The following MEF2C variants were observed in gnomAD, a reference collection of about 807,000 sequenced individuals.
MEF2C encodes myocyte-specific enhancer factor 2C.
A neutral mutation model predicts 50.5 loss-of-function variants in MEF2C; 6 were observed. The observed-to-expected ratio is 0.12, with a 90% CI of 0.07 to 0.23. The LOEUF is 0.23. Among genes scored for constraint, MEF2C ranks in the 10% least tolerant of loss-of-function variants. The probability of loss-of-function intolerance (pLI) is 1.00; values close to 1 mark genes in which losing one functional copy is unlikely to be tolerated. For missense variants in MEF2C, 276 were observed against 605.0 expected (o/e 0.46, Z 5.70); for synonymous variants, 183 against 228.0 (o/e 0.80, Z 1.78).
chr5:88,846,748 T>G (rs1819503691), intron 1 of MEF2C, among the ~76,000 whole-genome samples: 1 of 152,206 alleles, frequency 6.6e-6, no homozygotes, highest in African/African-American at 2.4e-5. Flanking sequence ...AAATGTACAC[T>G]GACAAACTGA....
chr5:88,818,951 G>A (rs1396882753), intron 2 of MEF2C, among the ~76,000 whole-genome samples: 4 of 151,946 alleles, frequency 2.6e-5, no homozygotes, highest in African/African-American at 9.7e-5. Flanking sequence ...TAAATTTATT[G>A]AGCACTTATT....
chr5:88,880,569 G>T (rs1374886294), intron 1 of MEF2C, among the ~76,000 whole-genome samples: 1 of 152,134 alleles, frequency 6.6e-6, no homozygotes, highest in Non-Finnish European at 1.5e-5. Context: ...GTTATTCAGT[G>T]CTGTTCTTTA....
At chr5:88,813,201 T>C (rs1323138135) in intron 2 of MEF2C, among the ~76,000 whole-genome samples, 2 of 151,946 alleles carry the variant, frequency 1.3e-5, no homozygotes, top group African/African-American at 4.8e-5. Flanking sequence ...CACAAACTAG[T>C]TCTATATTTA....
At chr5:88,897,245 T>C (rs1835205854) in intron 1 of MEF2C, among the ~76,000 whole-genome samples, 1 of 152,214 alleles carries the variant, frequency 6.6e-6, no homozygotes, top group Admixed American at 6.5e-5. Flanking sequence ...CTTGTGTTGG[T>C]TATATAGTAT....
In MEF2C at chr5:88,744,184, T is replaced by A. The variant is rs574804708; in HGVS notation, c.637+4886A>T. 17 of 935,936 alleles carry A rather than the reference T, an allele frequency of 1.8e-5. No individual in the cohort carries two copies. The South Asian group carries it at 7.7e-4, about 43-fold the overall frequency. 58.0% of individuals were successfully genotyped at this position (935,936 alleles called of 1,614,324 possible). A position where few individuals can be genotyped will look rare whatever the true frequency, so the allele number is the denominator to read the frequency against. On this transcript the variant is annotated intron_variant, in intron 6 of 10. Coordinates refer to ENST00000504921, the MANE Select transcript of MEF2C (RefSeq NM_002397.5). ...AGGCATTGCTCTGCTAATGGTTATTTCCATTAAATCTAATGACTACAAACA... is the reference window on the plus strand; with the variant it reads ...AGGCATTGCTCTGCTAATGGTTATTACCATTAAATCTAATGACTACAAACA...
intron 1 of MEF2C, among the ~76,000 whole-genome samples, chr5:88,834,833 C>T (rs78987501): frequency 0.038 from 5,822 of 152,248 alleles, 122 homozygotes; most frequent in Non-Finnish European, 0.041. Context: ...TAACAACATA[C>T]ACATTCTATT....
At chr5:88,782,440 TG>T (rs1364788819) in intron 3 of MEF2C, among the ~76,000 whole-genome samples, 3 of 148,522 alleles carry the variant, frequency 2.0e-5, no homozygotes, top group African/African-American at 7.5e-5. Flanking sequence ...CATTGAAGCC[TG>T]GGCAATGGGC....
At chr5:88,755,586 G>A (rs542005344) in intron 4 of MEF2C, among the ~76,000 whole-genome samples, 1 of 152,242 alleles carries the variant, frequency 6.6e-6, no homozygotes, top group South Asian at 2.1e-4. Context: ...AGTGTCTCAG[G>A]TTTTAGGAAA....
intron 6 of MEF2C, chr5:88,733,520 G>A (rs1762556661): frequency 1.0e-6 from 1 of 985,332 alleles, no homozygotes; most frequent in African/African-American, 1.7e-5. Context: ...CCAGTCTGGA[G>A]ACTACTTTGA....
chr5:88,849,246 T>C (rs1820428489), intron 1 of MEF2C, among the ~76,000 whole-genome samples: 1 of 150,934 alleles, frequency 6.6e-6, no homozygotes, highest in Non-Finnish European at 1.5e-5. Flanking sequence ...AATTTGAAAA[T>C]AAAAAGCATT....
At chr5:88,871,126 T>C (rs1484841836) in intron 1 of MEF2C, among the ~76,000 whole-genome samples, 1 of 152,078 alleles carries the variant, frequency 6.6e-6, no homozygotes, top group Non-Finnish European at 1.5e-5. Context: ...AAATTTATTC[T>C]ATACAGTTAC....
At chr5:88,843,428 A>G (rs1581471521) in intron 1 of MEF2C, 1 of 985,158 alleles carries the variant, frequency 1.0e-6, no homozygotes, top group Non-Finnish European at 1.2e-6. Flanking sequence ...TTGGAATTCT[A>G]TTGAGACATT....
At chr5:88,738,919 C>T (rs894241823) in intron 6 of MEF2C, 10 of 984,696 alleles carry the variant, frequency 1.0e-5, no homozygotes, top group Non-Finnish European at 1.2e-5. Context: ...AGTTTAGCTA[C>T]ACTGAACACC....
intron 1 of MEF2C, among the ~76,000 whole-genome samples, chr5:88,875,796 T>G (rs924623484): frequency 6.6e-6 from 1 of 152,030 alleles, no homozygotes; most frequent in East Asian, 1.9e-4. Context: ...TAAAGGACAT[T>G]AGTTAGGGCT....
chr5:88,817,269 T>G (rs1335756093), intron 2 of MEF2C, among the ~76,000 whole-genome samples: 1 of 151,912 alleles, frequency 6.6e-6, no homozygotes, highest in Non-Finnish European at 1.5e-5. Context: ...CAGGAAAAAG[T>G]AAGGAGTAAA....
At chr5:88,886,979 C>T (rs906687706), upstream of MEF2C, among the ~76,000 whole-genome samples, 2 of 152,180 alleles carry the variant, frequency 1.3e-5, no homozygotes, top group Non-Finnish European at 2.9e-5. Context: ...GCCTGGCCCA[C>T]GCTGGGTGTA....
intron 1 of MEF2C, among the ~76,000 whole-genome samples, chr5:88,826,367 G>A (rs1380062998): frequency 6.6e-6 from 1 of 151,864 alleles, no homozygotes; most frequent in African/African-American, 2.4e-5. Flanking sequence ...ATTTCTTGAG[G>A]TATTGCCTTC....
At chr5:88,901,813 T>A (rs879331715) in intron 1 of MEF2C, among the ~76,000 whole-genome samples, 15 of 151,988 alleles carry the variant, frequency 9.9e-5, no homozygotes, top group Non-Finnish European at 1.5e-4. Context: ...ATGAAAATTT[T>A]AAAAAATGGG....
chr5:88,733,840 C>CAAGT, intron 6 of MEF2C: 1 of 985,348 alleles, frequency 1.0e-6, no homozygotes, highest in African/African-American at 1.7e-5. Flanking sequence ...TGACAGGACT[C>CAAGT]ACTTAAGAAA....
Sources: gnomAD v4.1 joint callset for allele counts (sites outside exome capture counted in the v4.1 genomes callset) on GRCh38, gnomAD v4.1.1 for gene constraint, MANE v1.5 for transcripts, NCBI Gene and HGNC (gene_info 2026-07-23, HGNC 2026-07-21) for gene names.